Variants in SLC44A3 observed in about 807,000 individuals in gnomAD.
The protein encoded by SLC44A3 is choline transporter-like protein 3.
In SLC44A3, 74 loss-of-function variants were observed where a neutral mutation model predicts 75.4. The observed-to-expected ratio is 0.98, with a 90% CI of 0.81 to 1.19. The LOEUF is 1.19. SLC44A3 is among the 50% of genes most tolerant of loss of function. SLC44A3 has a pLI of 0.00. For missense variants in SLC44A3, 700 were observed against 778.6 expected (o/e 0.90, Z 1.20); for synonymous variants, 310 against 296.9 (o/e 1.04, Z -0.45).
intron 12 of SLC44A3, among the ~76,000 whole-genome samples, chr1:94,872,123 C>T (rs1470989218): frequency 6.6e-6 from 1 of 151,942 alleles, no homozygotes; most frequent in Non-Finnish European, 1.5e-5. Context: ...TTTTTTGAGA[C>T]AGAGTTTCAC....
chr1:94,822,596 A>C (rs1176834446), intron 2 of SLC44A3, among the ~76,000 whole-genome samples: 1 of 152,196 alleles, frequency 6.6e-6, no homozygotes, highest in Non-Finnish European at 1.5e-5. Context: ...GCTTGGGGGA[A>C]GGAGCTGAAA....
chr1:94,848,085 C>G (rs541155904), intron 9 of SLC44A3, among the ~76,000 whole-genome samples: 1 of 152,076 alleles, frequency 6.6e-6, no homozygotes, highest in South Asian at 2.1e-4. Flanking sequence ...AAAACTTAGC[C>G]GGGCGTGGTG....
At chr1:94,849,441 G>T (rs1281496910) in intron 9 of SLC44A3, among the ~76,000 whole-genome samples, 2 of 152,076 alleles carry the variant, frequency 1.3e-5, no homozygotes, top group Non-Finnish European at 2.9e-5. Context: ...AGGTGCACAG[G>T]GTCCCCTTTG....
chr1:94,858,428 C>T (rs181599038), intron 10 of SLC44A3, among the ~76,000 whole-genome samples: 59 of 152,274 alleles, frequency 3.9e-4, no homozygotes, highest in Admixed American at 9.8e-4. Context: ...CACCCCTGAA[C>T]GCTTTACCTC....
chr1:94,856,763 C>T (rs553155251), intron 9 of SLC44A3, among the ~76,000 whole-genome samples: 1 of 152,068 alleles, frequency 6.6e-6, no homozygotes, highest in Non-Finnish European at 1.5e-5. Context: ...TGGAATCTTG[C>T]TCTGTCACCC....
At chr1:94,864,626 A>G (rs1666950334) in intron 10 of SLC44A3, 117 bp from the exon 11 acceptor site, 21 of 1,097,402 alleles carry the variant, frequency 1.9e-5, no homozygotes, top group Non-Finnish European at 2.7e-5. Flanking sequence ...AAGTTCGCCA[A>G]ATGCTTATTA....
intron 8 of SLC44A3, among the ~76,000 whole-genome samples, chr1:94,842,946 G>T (rs1663859555): frequency 6.6e-6 from 1 of 152,208 alleles, no homozygotes; most frequent in South Asian, 2.1e-4. Context: ...TTTTGGGTTT[G>T]TGATCTTCAC....
At chr1:94,822,439 C>T (rs1488785853) in intron 2 of SLC44A3, among the ~76,000 whole-genome samples, 1 of 152,168 alleles carries the variant, frequency 6.6e-6, no homozygotes, top group Non-Finnish European at 1.5e-5. Flanking sequence ...GTGTCTTTTG[C>T]AACATTTTTT....
At chr1:94,836,913 C>CAAAAAAAA (rs56149444) in intron 5 of SLC44A3, 10 of 124,324 alleles carry the variant, frequency 8.0e-5, no homozygotes, top group African/African-American at 2.5e-4. Context: ...CCTGTCTCAA[C>CAAAAAAAA]AAAAAAAAAA....
At position 94,864,783 on chromosome 1, in the gene SLC44A3, C is replaced by T. The variant is rs376411712; in HGVS notation, c.1279C>T (p.Leu427Phe). The T allele has an allele frequency of 2.8e-5, 45 of 1,613,858 alleles. 1 individual carries two copies. The highest frequency in any genetic ancestry group is 2.9e-5 in the Non-Finnish European group (34 of 1,179,926). ...TCCTGATCATCCCATCCTTTCGTCT[C>T]TCTCCATTCTCTTCTTCTACCATCA... is the stretch of plus-strand genomic sequence containing the variant. ...DPPDHPILSS[L>F]SILFFYHQGT... The change falls in exon 11 of 15, where the codon CTC (leucine) becomes TTC (phenylalanine). Residue 427 changes from leucine (L) to phenylalanine (F), a missense_variant. Physicochemically the swap from Leu to Phe is conservative, Grantham distance 22. Transcript: ENST00000271227.
chr1:94,885,515 C>A (rs1208551879), intron 12 of SLC44A3, among the ~76,000 whole-genome samples: 1 of 152,190 alleles, frequency 6.6e-6, no homozygotes, highest in Non-Finnish European at 1.5e-5. Flanking sequence ...CCTGCCACAT[C>A]CTCAGCTGTT....
At chr1:94,830,305 C>A (rs1356999251) in intron 5 of SLC44A3, among the ~76,000 whole-genome samples, 2 of 152,130 alleles carry the variant, frequency 1.3e-5, no homozygotes, top group Non-Finnish European at 2.9e-5. Context: ...CTCCATCTCC[C>A]AGGTTCAAGC....
chr1:94,870,915 AG>A (rs1478670114), intron 12 of SLC44A3, among the ~76,000 whole-genome samples: 2 of 152,178 alleles, frequency 1.3e-5, no homozygotes, highest in Non-Finnish European at 2.9e-5. Context: ...TCCTGACCTC[AG>A]GTGATTTACC....
At chr1:94,882,910 C>T (rs569258535) in intron 12 of SLC44A3, among the ~76,000 whole-genome samples, 2 of 147,788 alleles carry the variant, frequency 1.4e-5, no homozygotes, top group Non-Finnish European at 3.0e-5. Context: ...ATCTAGGATG[C>T]CTTTTAATCC....
chr1:94,870,220 A>T (rs1667604708), intron 12 of SLC44A3, among the ~76,000 whole-genome samples: 1 of 152,224 alleles, frequency 6.6e-6, no homozygotes, highest in African/African-American at 2.4e-5. Flanking sequence ...ACATGCGTTC[A>T]TCCAGCAACC....
At chr1:94,829,856 A>G (rs1287235373) in intron 5 of SLC44A3, among the ~76,000 whole-genome samples, 1 of 152,264 alleles carries the variant, frequency 6.6e-6, no homozygotes, top group Admixed American at 6.5e-5. Flanking sequence ...AATTTATTAC[A>G]TCCCAACTCC....
intron 12 of SLC44A3, among the ~76,000 whole-genome samples, chr1:94,875,212 C>T (rs1374668185): frequency 6.6e-6 from 1 of 152,188 alleles, no homozygotes; most frequent in East Asian, 1.9e-4. Context: ...CACCTCCTTC[C>T]CTGAAACAAA....
chr1:94,868,812 C>T (rs1667448418), intron 12 of SLC44A3, among the ~76,000 whole-genome samples: 1 of 152,256 alleles, frequency 6.6e-6, no homozygotes, highest in South Asian at 2.1e-4. Flanking sequence ...GAGGGTTGAC[C>T]TGTTATCCCC....
intron 9 of SLC44A3, among the ~76,000 whole-genome samples, chr1:94,856,277 A>G (rs1402838304): frequency 2.0e-5 from 3 of 152,186 alleles, no homozygotes; most frequent in African/African-American, 7.2e-5. Flanking sequence ...TCAAAATACC[A>G]CCAGGAAATA....
Sources: allele counts gnomAD v4.1 joint callset (sites outside exome capture counted in the v4.1 genomes callset), GRCh38; gene constraint gnomAD v4.1.1; transcripts MANE v1.5; gene names NCBI Gene and HGNC (gene_info 2026-07-23, HGNC 2026-07-21).